CENPP: variants seen among roughly 807,000 people sequenced by gnomAD.
CENPP encodes the protein centromere protein P.
Under a neutral mutation model 35.6 loss-of-function variants are expected in CENPP, and 24 were observed. The observed-to-expected ratio is 0.67, with a 90% CI of 0.49 to 0.95. CENPP has a LOEUF of 0.95. Ranked by LOEUF, CENPP falls within the 40% of genes least tolerant of loss-of-function variation. The pLI is 0.00. For missense variants in CENPP, 332 were observed against 345.3 expected (o/e 0.96, Z 0.31); for synonymous variants, 120 against 125.5 (o/e 0.96, Z 0.29).
At chr9:92,334,095 T>G (rs1840842214) in intron 2 of CENPP, among the ~76,000 whole-genome samples, 1 of 151,788 alleles carries the variant, frequency 6.6e-6, no homozygotes, top group Non-Finnish European at 1.5e-5. Flanking sequence ...GAAAATTAAG[T>G]GTTACTGCAA....
At chr9:92,366,674 G>A (rs1460232450) in intron 4 of CENPP, among the ~76,000 whole-genome samples, 1 of 152,150 alleles carries the variant, frequency 6.6e-6, no homozygotes, top group African/African-American at 2.4e-5. Context: ...GTTATACCTG[G>A]AAGGGATTTG....
At chr9:92,385,743 A>G (rs367640138) in intron 5 of CENPP, 2 of 1,614,184 alleles carry the variant, frequency 1.2e-6, no homozygotes, top group Non-Finnish European at 1.7e-6. Flanking sequence ...AACTGGTGTC[A>G]TTAGCCTTGC....
chr9:92,358,029 T>C (rs1156388458), intron 4 of CENPP, among the ~76,000 whole-genome samples: 1 of 152,208 alleles, frequency 6.6e-6, no homozygotes, highest in Non-Finnish European at 1.5e-5. Context: ...GACAGCTTGA[T>C]TATAATGTTT....
intron 5 of CENPP, chr9:92,456,935 A>G: frequency 9.8e-7 from 1 of 1,024,686 alleles, no homozygotes; most frequent in Non-Finnish European, 1.2e-6. Flanking sequence ...TAAGTCAAGC[A>G]TTCCATTTAC....
chr9:92,344,084 G>C (rs1841206658), intron 3 of CENPP, among the ~76,000 whole-genome samples: 6 of 151,800 alleles, frequency 4.0e-5, no homozygotes, highest in Admixed American at 3.9e-4. Flanking sequence ...GACCATAGTA[G>C]AAAGGAATGT....
intron 5 of CENPP, among the ~76,000 whole-genome samples, chr9:92,430,032 G>A (rs1313364490): frequency 6.6e-6 from 1 of 152,152 alleles, no homozygotes; most frequent in Non-Finnish European, 1.5e-5. Flanking sequence ...CAATCCTCAG[G>A]CACAGATGTG....
chr9:92,515,084 C>T, intron 5 of CENPP: 1 of 1,614,082 alleles, frequency 6.2e-7, no homozygotes, highest in Non-Finnish European at 8.5e-7. Context: ...CGGTCCATTC[C>T]CACCTGAGGA....
chr9:92,416,756 T>C, intron 5 of CENPP: 1 of 1,613,812 alleles, frequency 6.2e-7, no homozygotes, highest in Non-Finnish European at 8.5e-7. Flanking sequence ...GTCTTGTAGT[T>C]TGTTGTGTGA....
intron 4 of CENPP, among the ~76,000 whole-genome samples, chr9:92,375,585 C>A (rs189362956): frequency 6.6e-6 from 1 of 152,112 alleles, no homozygotes; most frequent in Non-Finnish European, 1.5e-5. Flanking sequence ...CGTGAGCCAC[C>A]GCGCCCGGCC....
At chr9:92,554,608 T>G (rs1361350846) in intron 5 of CENPP, among the ~76,000 whole-genome samples, 1 of 152,188 alleles carries the variant, frequency 6.6e-6, no homozygotes, top group Non-Finnish European at 1.5e-5. Context: ...TGTTGTTGGA[T>G]TCTATTAGCT....
chr9:92,505,587 A>G, intron 5 of CENPP: 1 of 1,608,904 alleles, frequency 6.2e-7, no homozygotes, highest in Non-Finnish European at 8.5e-7. Context: ...TTTTTCCCAG[A>G]CGCAAGTAGG....
chr9:92,425,244 C>T (rs1356448904), intron 5 of CENPP, among the ~76,000 whole-genome samples: 1 of 152,130 alleles, frequency 6.6e-6, no homozygotes, highest in Non-Finnish European at 1.5e-5. Context: ...CTTCTAATAT[C>T]CTTTCAGATA....
intron 5 of CENPP, among the ~76,000 whole-genome samples, chr9:92,513,304 C>T (rs1021497039): frequency 3.3e-5 from 5 of 152,192 alleles, no homozygotes; most frequent in African/African-American, 1.2e-4. Context: ...AAACAACTGA[C>T]AGTACCAAGT....
intron 3 of CENPP, 43 bp from the exon 4 acceptor site, chr9:92,345,656 A>C: frequency 1.9e-6 from 2 of 1,066,892 alleles, no homozygotes; most frequent in Non-Finnish European, 2.8e-6. Context: ...GTCTTTTTGA[A>C]GTTTACTGTG....
intron 5 of CENPP, among the ~76,000 whole-genome samples, chr9:92,440,705 A>G (rs1280388956): frequency 4.6e-5 from 7 of 152,230 alleles, no homozygotes; most frequent in African/African-American, 7.2e-5. Context: ...TTAATGCATT[A>G]TAAGTATTTA....
At chr9:92,354,086 T>A (rs188700202) in intron 4 of CENPP, among the ~76,000 whole-genome samples, 142 of 152,292 alleles carry the variant, frequency 9.3e-4, no homozygotes, top group Admixed American at 4.6e-3. Context: ...GTAAAGTGAG[T>A]GCCTTCATCA....
chr9:92,489,760 A>G (rs910844548), intron 5 of CENPP, among the ~76,000 whole-genome samples: 1 of 152,188 alleles, frequency 6.6e-6, no homozygotes, highest in Non-Finnish European at 1.5e-5. Flanking sequence ...ATGATCATAC[A>G]GTAACACAGA....
In CENPP at chr9:92,427,656, T is replaced by C. The variant is rs77444221; in HGVS notation, c.564+47797T>C. On this transcript the variant is annotated intron_variant, in intron 5 of 7. Coordinates refer to ENST00000375587, the MANE Select transcript of CENPP (RefSeq NM_001012267.3). ...CCACCATGTCTGGCTAATTTTGTAT[T>C]TTCAGTAGAGTCGGGGGTTTTCCAT... is the stretch of plus-strand genomic sequence containing the variant. 4.8e-3 allele frequency among the ~76,000 whole-genome samples: 732 copies of C among 151,334 alleles called. 4 individuals are homozygous for C. Among genetic ancestry groups the C allele is most frequent in the African/African-American group, 0.015 (638 of 41,218 alleles).
intron 5 of CENPP, chr9:92,500,688 C>T (rs1564356538): frequency 6.4e-7 from 1 of 1,567,898 alleles, no homozygotes; most frequent in East Asian, 2.2e-5. Context: ...ATTTTGCCAA[C>T]CAAAATTTAA....
Sources: allele counts gnomAD v4.1 joint callset (sites outside exome capture counted in the v4.1 genomes callset), GRCh38; gene constraint gnomAD v4.1.1; transcripts MANE v1.5; gene names NCBI Gene and HGNC (gene_info 2026-07-23, HGNC 2026-07-21).